Variants in LIX1 observed in about 807,000 individuals in gnomAD.
The protein encoded by LIX1 is protein limb expression 1 homolog.
Under a neutral mutation model 33.4 loss-of-function variants are expected in LIX1, and 24 were observed. That is an observed-to-expected ratio of 0.72 (90% CI 0.52 to 1.01). The LOEUF is 1.01. Ranked by LOEUF, LIX1 falls within the 50% of genes least tolerant of loss-of-function variation. The pLI is 0.00. For synonymous variants in LIX1, 124 were observed against 124.0 expected (o/e 1.00, Z 0.00); for missense variants, 311 against 339.2 (o/e 0.92, Z 0.65).
intron 1 of LIX1, among the ~76,000 whole-genome samples, chr5:97,131,300 C>CT (rs1278321075): frequency 1.3e-5 from 2 of 152,054 alleles, no homozygotes; most frequent in Non-Finnish European, 2.9e-5. Flanking sequence ...GTGTTGTGTC[C>CT]TTTCCCTCCC....
chr5:97,132,884 A>G (rs1372996564), intron 1 of LIX1, among the ~76,000 whole-genome samples: 1 of 152,328 alleles, frequency 6.6e-6, no homozygotes, highest in East Asian at 1.9e-4. Context: ...ATTAAGCAAA[A>G]GAGTGTTCCT....
At chr5:97,105,325 TC>T in intron 3 of LIX1, 40 bp from the exon 4 acceptor site, 1 of 1,537,150 alleles carries the variant, frequency 6.5e-7, no homozygotes, top group South Asian at 1.1e-5. Context: ...TACTGATTTT[TC>T]CTCCTCTTCT....
At chr5:97,124,725 A>G (rs1747874119) in intron 1 of LIX1, 96 bp from the exon 2 acceptor site, 1 of 1,049,442 alleles carries the variant, frequency 9.5e-7, no homozygotes, top group Non-Finnish European at 1.4e-6. Flanking sequence ...GTAGCATGAC[A>G]GTTCCAGTTT....
intron 4 of LIX1, among the ~76,000 whole-genome samples, chr5:97,103,379 C>T (rs1216352038): frequency 1.3e-5 from 2 of 152,200 alleles, no homozygotes; most frequent in Non-Finnish European, 2.9e-5. Context: ...ACTGAGCATT[C>T]ATTATACCCC....
rs149884840 is a variant in LIX1, at chr5:97,136,195, G to A, written c.82+6300C>T. Among the ~76,000 whole-genome samples the A allele has an allele frequency of 2.4e-3, 365 of 152,348 alleles. 1 individual carries two copies. The highest frequency in any genetic ancestry group is 8.4e-3 in the African/African-American group (351 of 41,576). On this transcript the variant is annotated intron_variant, in intron 1 of 5. Transcript: ENST00000274382. Reference sequence around the variant, plus strand: ...CATGGCATATGGAATGATTCTGAGAGAGTGTGATAGGGCCAACCCAAGGCA... The same window carrying A: ...CATGGCATATGGAATGATTCTGAGAAAGTGTGATAGGGCCAACCCAAGGCA...
intron 1 of LIX1, among the ~76,000 whole-genome samples, chr5:97,135,202 G>A (rs1360803029): frequency 6.6e-6 from 1 of 152,140 alleles, no homozygotes; most frequent in Non-Finnish European, 1.5e-5. Flanking sequence ...CCGATGAACT[G>A]TAAATCCTTT....
intron 1 of LIX1, among the ~76,000 whole-genome samples, chr5:97,126,646 T>G (rs985217951): frequency 9.5e-5 from 14 of 147,882 alleles, no homozygotes; most frequent in African/African-American, 3.5e-4. Context: ...TCTTTTTTTT[T>G]TTTTTTTTTT....
At chr5:97,130,870 A>G (rs1280870128) in intron 1 of LIX1, among the ~76,000 whole-genome samples, 1 of 152,218 alleles carries the variant, frequency 6.6e-6, no homozygotes, top group Non-Finnish European at 1.5e-5. Flanking sequence ...TGCTTTCTCT[A>G]ACACGGTGAT....
chr5:97,106,143 A>T (rs1420996509), intron 3 of LIX1, among the ~76,000 whole-genome samples: 1 of 152,238 alleles, frequency 6.6e-6, no homozygotes, highest in African/African-American at 2.4e-5. Context: ...AGAAATTTCC[A>T]TTTAAAAAAT....
chr5:97,118,940 C>G (rs1378185240), intron 2 of LIX1, among the ~76,000 whole-genome samples: 1 of 152,100 alleles, frequency 6.6e-6, no homozygotes, highest in Non-Finnish European at 1.5e-5. Flanking sequence ...TTCCCATTTA[C>G]TTCAGTGAGA....
intron 3 of LIX1, among the ~76,000 whole-genome samples, chr5:97,106,632 T>C (rs1389960941): frequency 6.6e-6 from 1 of 152,208 alleles, no homozygotes; most frequent in African/African-American, 2.4e-5. Context: ...AAGGCTTCTT[T>C]CTTGGCTTAT....
At position 97,116,073 on chromosome 5, in the gene LIX1, C is replaced by A. The variant is rs562902408; in HGVS notation, c.246+8393G>T. 2.0e-5 allele frequency among the ~76,000 whole-genome samples: 3 copies of A among 152,220 alleles called. No individual in the cohort carries two copies. The South Asian group carries it at 6.2e-4, about 32-fold the overall frequency. On this transcript the variant is annotated intron_variant, in intron 2 of 5. Transcript: ENST00000274382. ...AGTCCGACTTTTAGCAAGTGACTTG[C>A]GGAGTTTGTGCGTACTGCCTGACAG...
intron 2 of LIX1, among the ~76,000 whole-genome samples, chr5:97,111,890 A>G (rs956507915): frequency 6.6e-6 from 1 of 152,234 alleles, no homozygotes; most frequent in African/African-American, 2.4e-5. Flanking sequence ...AGGACTACAG[A>G]GACCTAACCA....
chr5:97,103,978 A>C (rs1439364480), intron 4 of LIX1, among the ~76,000 whole-genome samples: 1 of 151,908 alleles, frequency 6.6e-6, no homozygotes, highest in Non-Finnish European at 1.5e-5. Context: ...AAAGAAAAAA[A>C]AAAAAAAAAA....
intron 2 of LIX1, among the ~76,000 whole-genome samples, chr5:97,119,199 G>T (rs142327443): frequency 6.6e-6 from 1 of 152,202 alleles, no homozygotes; most frequent in Non-Finnish European, 1.5e-5. Context: ...CCATGGCTCA[G>T]TAAGAAGGCT....
Position 97,094,763 on chromosome 5 carries a change from C to A in LIX1, c.834G>T (p.Leu278=). ...CTTGGCCTTGCTAGTGATAGCCACA[C>A]AGGGCCGTAAGGCTCAGCTGATCAT... ...PSDDQLSLTA[L]CGYH Residue 278 remains leucine, a synonymous_variant, in exon 6 of 6, where the codon CTG becomes CTT. Transcript: ENST00000274382. 1 of 1,613,838 alleles carries A rather than the reference C, an allele frequency of 6.2e-7. No individual in the cohort carries two copies. Among genetic ancestry groups the A allele is most frequent in the Non-Finnish European group, 8.5e-7 (1 of 1,179,786 alleles).
At chr5:97,100,650 A>C (rs1746645851) in intron 4 of LIX1, among the ~76,000 whole-genome samples, 1 of 152,134 alleles carries the variant, frequency 6.6e-6, no homozygotes, top group African/African-American at 2.4e-5. Flanking sequence ...ATTCCATTGG[A>C]AATCCTTGCA....
intron 2 of LIX1, among the ~76,000 whole-genome samples, chr5:97,109,578 A>G (rs402539): frequency 6.6e-6 from 1 of 151,468 alleles, no homozygotes; most frequent in Admixed American, 6.6e-5. Context: ...TTTTTATTTT[A>G]TTTTTTATTT....
chr5:97,107,289 C>T lies in LIX1; in HGVS notation c.387+71G>A, dbSNP rs1747100380. 4 of 1,442,120 alleles carry T rather than the reference C, an allele frequency of 2.8e-6. No homozygotes were observed. The Admixed American group carries it at 6.2e-5, about 22-fold the overall frequency. The allele number at this position is 1,442,120 out of a possible 1,614,324, so 89.3% of individuals were successfully genotyped here. ...TAAAATAAGAATTTGCTCATGTTAA[C>T]ATCTCTCAAGATTCAAATGCTTCAG... On this transcript the variant is annotated intron_variant, in intron 3 of 5. Transcript: ENST00000274382.
Sources: allele counts gnomAD v4.1 joint callset (sites outside exome capture counted in the v4.1 genomes callset), GRCh38; gene constraint gnomAD v4.1.1; transcripts MANE v1.5; gene names NCBI Gene and HGNC (gene_info 2026-07-23, HGNC 2026-07-21).